The following NETO2 variants were observed in gnomAD, a reference collection of about 807,000 sequenced individuals.
NETO2 encodes neuropilin and tolloid like 2.
In NETO2, 28 loss-of-function variants were observed where a neutral mutation model predicts 62.5. That is an observed-to-expected ratio of 0.45 (90% confidence interval 0.33 to 0.61). The LOEUF (loss-of-function observed/expected upper bound fraction) is 0.61. Ranked by LOEUF, NETO2 falls within the 20% of genes least tolerant of loss-of-function variation. The pLI, the probability that NETO2 is intolerant of heterozygous loss-of-function variation, is 0.02. For missense variants in NETO2, 548 were observed against 643.2 expected (o/e 0.85, Z 1.60); for synonymous variants, 214 against 219.1 (o/e 0.98, Z 0.21).
rs568908263 is a variant in NETO2 at position 47,142,261 on chromosome 16, A to G, written c.34+1318T>C. ...AATTGTAATAAAGAAATCACTACGG[A>G]TTTACGGTTTGTGAAATATTCATCA... On this transcript the variant is annotated intron_variant, in intron 1 of 8. Transcript: ENST00000562435. Among the ~76,000 whole-genome samples the G allele has an allele frequency of 5.9e-5, 9 of 152,310 alleles. No homozygotes were observed. The East Asian group carries it at 1.5e-3, about 26-fold the overall frequency.
intron 4 of NETO2, among the ~76,000 whole-genome samples, chr16:47,123,549 CAATAAA>C (rs926470262): frequency 6.6e-6 from 1 of 151,080 alleles, no homozygotes; most frequent in African/African-American, 2.4e-5. Flanking sequence ...TTTTTTACCA[CAATAAA>C]AATAAAGTTT....
chr16:47,089,446 C>T (rs1181988426), intron 7 of NETO2, among the ~76,000 whole-genome samples: 3 of 152,164 alleles, frequency 2.0e-5, no homozygotes, highest in Non-Finnish European at 4.4e-5. Flanking sequence ...ACTTCTGGTT[C>T]CAAAATTTGA....
chr16:47,109,574 C>T lies in NETO2; in HGVS notation c.792G>A (p.Met264Ile). 6.2e-7 allele frequency: 1 copy of T among 1,614,118 alleles called. No homozygotes were observed. Among genetic ancestry groups the T allele is most frequent in the Non-Finnish European group, 8.5e-7 (1 of 1,179,998 alleles). The change falls in exon 7 of 9, where the codon ATG (methionine) becomes ATA (isoleucine). Residue 264 changes from methionine (M) to isoleucine (I), a missense_variant. By Grantham distance (10) the Met-to-Ile change is conservative. Coordinates refer to ENST00000562435, the MANE Select transcript of NETO2 (RefSeq NM_018092.5). ...KFCSTVANDV[M>I]LKTGIGVIRM... ...GAATCACTCCAATTCCTGTTTTAAG[C>T]ATTACATCATTGGCCACAGTGCTGC...
At chr16:47,088,230 C>T (rs1281122371) in intron 7 of NETO2, among the ~76,000 whole-genome samples, 7 of 151,972 alleles carry the variant, frequency 4.6e-5, no homozygotes, top group Admixed American at 2.0e-4. Context: ...TCAGCCTCCC[C>T]GAGTAGCTGG....
intron 7 of NETO2, among the ~76,000 whole-genome samples, chr16:47,107,486 G>A (rs1266769412): frequency 6.6e-6 from 1 of 152,158 alleles, no homozygotes; most frequent in Non-Finnish European, 1.5e-5. Flanking sequence ...TAGCAATTGT[G>A]AAGTTACTTT....
At chr16:47,141,340 ACT>A (rs1217305245) in intron 1 of NETO2, among the ~76,000 whole-genome samples, 2 of 152,206 alleles carry the variant, frequency 1.3e-5, no homozygotes, top group Admixed American at 1.3e-4. Flanking sequence ...TAAAAGGAAA[ACT>A]TCTTCATGCC....
At chr16:47,121,676 G>C (rs879626573) in intron 6 of NETO2, among the ~76,000 whole-genome samples, 7 of 152,160 alleles carry the variant, frequency 4.6e-5, no homozygotes, top group Admixed American at 4.6e-4. Flanking sequence ...TCTCACAAAG[G>C]CCATGTGAAC....
intron 2 of NETO2, among the ~76,000 whole-genome samples, chr16:47,129,681 TA>T (rs1964226524): frequency 6.6e-6 from 1 of 152,130 alleles, no homozygotes; most frequent in South Asian, 2.1e-4. Flanking sequence ...AACCTAAAAA[TA>T]AAGGCATCCC....
chr16:47,121,913 A>G (rs1964048118), intron 6 of NETO2, among the ~76,000 whole-genome samples: 3 of 152,172 alleles, frequency 2.0e-5, no homozygotes, highest in African/African-American at 7.2e-5. Context: ...GTCATATTTT[A>G]CCCAATGTTT....
In NETO2 at chr16:47,081,523, A is replaced by C. The variant is rs762224288; in HGVS notation, c.*1698T>G. 21 of 152,576 alleles carry C rather than the reference A, an allele frequency of 1.4e-4. No homozygotes were observed. The highest frequency in any genetic ancestry group is 4.6e-4 in the Admixed American group (7 of 15,274). The allele number at this position is 152,576 out of a possible 1,614,324, so 9.5% of individuals were successfully genotyped here. A position where few individuals can be genotyped will look rare whatever the true frequency, so the allele number is the denominator to read the frequency against. On this transcript the variant is annotated 3_prime_UTR_variant, in exon 9 of 9. Transcript: ENST00000562435. ...TAAAAAACAAAAATTTTGATACAAG[A>C]AAGCACTCTGAGGCAGTATATGTGT...
intron 7 of NETO2, among the ~76,000 whole-genome samples, chr16:47,099,827 A>C (rs1210029827): frequency 6.6e-6 from 1 of 152,236 alleles, no homozygotes; most frequent in Non-Finnish European, 1.5e-5. Flanking sequence ...TTAGAGACCT[A>C]CAAAGAGACT....
intron 1 of NETO2, among the ~76,000 whole-genome samples, chr16:47,138,935 C>A (rs1323163948): frequency 2.0e-5 from 3 of 152,240 alleles, no homozygotes; most frequent in Non-Finnish European, 4.4e-5. Context: ...GCTGTGCCTT[C>A]GGCCTAGAAT....
chr16:47,083,882 G>A (rs886812586), intron 8 of NETO2, 81 bp from the exon 9 acceptor site: 2 of 1,113,648 alleles, frequency 1.8e-6, no homozygotes, highest in Non-Finnish European at 2.5e-6. Context: ...GGTATTTTTA[G>A]GTAAAACAGA....
chr16:47,102,298 C>T (rs532225353), intron 7 of NETO2, among the ~76,000 whole-genome samples: 139 of 152,204 alleles, frequency 9.1e-4, no homozygotes, highest in Non-Finnish European at 1.2e-3. Context: ...TCAAGATAGA[C>T]TAAAGCCTTA....
chr16:47,119,178 G>A (rs1158809762), intron 6 of NETO2, among the ~76,000 whole-genome samples: 1 of 148,428 alleles, frequency 6.7e-6, no homozygotes, highest in East Asian at 2.0e-4. Context: ...TTGAGATGGA[G>A]TCTTGCACTG....
chr16:47,098,057 T>C (rs1963464500), intron 7 of NETO2, among the ~76,000 whole-genome samples: 1 of 151,824 alleles, frequency 6.6e-6, no homozygotes, highest in African/African-American at 2.4e-5. Context: ...GATAAATCCA[T>C]GAAGATAAGG....
intron 7 of NETO2, among the ~76,000 whole-genome samples, chr16:47,103,152 AAG>A (rs1173676301): frequency 6.6e-6 from 1 of 152,216 alleles, no homozygotes; most frequent in Non-Finnish European, 1.5e-5. Flanking sequence ...GACATGGATG[AAG>A]CTGGAAATCA....
At position 47,120,638 on chromosome 16, in the gene NETO2, C is replaced by T. The variant is rs189173228; in HGVS notation, c.654+2019G>A. ...TTGTACCCATTAATCATCCCCACAT[C>T]CTGGCCACTGCCTTCATTCTTAAAT... On this transcript the variant is annotated intron_variant, in intron 6 of 8. Transcript: ENST00000562435. Among the ~76,000 whole-genome samples the T allele has an allele frequency of 2.6e-5, 4 of 152,316 alleles. No homozygotes were observed. In the East Asian group the frequency reaches 7.7e-4, roughly 29 times the overall value.
Position 47,086,323 on chromosome 16 carries a change from G to A in NETO2, c.900C>T (p.Ser300=). The change falls in exon 8 of 9, where the codon AGC becomes AGT. Residue 300 remains serine (S), a synonymous_variant. Transcript: ENST00000562435. ...ACATGTTGCTATGGCAAAAGAAAGT[G>A]CTGCTTGTGCAGGGAGCTGCAGGAA... The part of the protein sequence containing the change: ...TSFVEPPCTS[S]TFFCHSNMCI... The A allele has an allele frequency of 6.2e-7, 1 of 1,613,484 alleles. No homozygotes were observed. The highest frequency in any genetic ancestry group is 1.1e-5 in the South Asian group (1 of 91,068).
Sources: gnomAD v4.1 joint callset for allele counts (sites outside exome capture counted in the v4.1 genomes callset) on GRCh38, gnomAD v4.1.1 for gene constraint, MANE v1.5 for transcripts, NCBI Gene and HGNC (gene_info 2026-07-23, HGNC 2026-07-21) for gene names.